Variants in POTEF observed in about 807,000 individuals in gnomAD.
POTEF encodes POTE ankyrin domain family member F, also known as ANKRD26-like family C member 1B.
In POTEF, 20 loss-of-function variants were observed where a neutral mutation model predicts 83.2. The ratio of observed to expected loss-of-function variants is 0.24; its 90% CI spans 0.17 to 0.35. The LOEUF is 0.35. Among genes scored for constraint, POTEF ranks in the 10% least tolerant of loss-of-function variants. The pLI is 1.00. For synonymous variants in POTEF, 196 were observed against 446.4 expected, an observed-to-expected ratio of 0.44 and a Z score of 7.07; for missense variants, 550 against 1,203.2, an observed-to-expected ratio of 0.46 and a Z score of 8.03.
Position 130,075,544 on chromosome 2 carries a change from T to A in POTEF, c.1928A>T (p.Asp643Val), listed in dbSNP as rs757753475. ...ELSLSCKKEK[D>V]ILHENSTLRE... ...CAACGTACTATTTTCATGCAAGATG[T>A]CTTTTTCTTTCTTACAACTAAGAGA... The change falls in exon 17 of 17, where the codon GAC becomes GTC. Residue 643 changes from aspartate (D) to valine (V), a missense_variant. By Grantham distance (152) the Asp-to-Val change is radical. Coordinates refer to ENST00000409914, the MANE Select transcript of POTEF (RefSeq NM_001099771.2). 6.8e-6 allele frequency: 11 copies of A among 1,610,668 alleles called. No homozygotes were observed. In the Middle Eastern group the frequency reaches 6.8e-4, roughly 99 times the overall value.
intron 11 of POTEF, among the ~76,000 whole-genome samples, chr2:130,097,665 C>T (rs1481741039): frequency 1.3e-5 from 2 of 152,074 alleles, no homozygotes; most frequent in Non-Finnish European, 2.9e-5. Flanking sequence ...TAAAATCAGC[C>T]AATTCTAGGA....
chr2:130,107,264 T>C (rs1295941673), intron 8 of POTEF, among the ~76,000 whole-genome samples: 3 of 150,468 alleles, frequency 2.0e-5, no homozygotes, highest in Non-Finnish European at 4.4e-5. Context: ...AACCAGCAGG[T>C]AGAAGAACAC....
intron 2 of POTEF, among the ~76,000 whole-genome samples, chr2:130,126,029 C>T (rs570995382): frequency 1.8e-3 from 279 of 151,378 alleles, no homozygotes; most frequent in African/African-American, 6.5e-3. Flanking sequence ...GAGAGCCAGG[C>T]GTGGTGGCTC....
intron 9 of POTEF, among the ~76,000 whole-genome samples, chr2:130,101,057 A>C (rs1684359368): frequency 2.2e-5 from 3 of 137,458 alleles, no homozygotes; most frequent in Admixed American, 1.5e-4. Flanking sequence ...TTATGTGTTA[A>C]ATCTACCAAA....
intron 12 of POTEF, among the ~76,000 whole-genome samples, chr2:130,088,673 T>TCCGCGAC (rs1349811451): frequency 4.0e-5 from 4 of 99,992 alleles, no homozygotes; most frequent in Non-Finnish European, 2.0e-5. Flanking sequence ...CACTGCAACC[T>TCCGCGAC]CCGCGACCCT....
chr2:130,107,716 T>C (rs1268640185), intron 8 of POTEF: 2 of 391,288 alleles, frequency 5.1e-6, no homozygotes, highest in African/African-American at 2.1e-5. Flanking sequence ...ATCTAATGCC[T>C]GATGATCTGT....
intron 2 of POTEF, among the ~76,000 whole-genome samples, chr2:130,126,213 G>C (rs1253708895): frequency 7.3e-6 from 1 of 136,802 alleles, no homozygotes; most frequent in Non-Finnish European, 1.5e-5. Flanking sequence ...TGAGGCAGGA[G>C]ACTTGCTTGA....
Position 130,075,252 on chromosome 2 carries a change from C to G in POTEF, c.2220G>C (p.Gln740His), listed in dbSNP as rs369584181. The G allele has an allele frequency of 3.3e-3, 5,261 of 1,612,318 alleles. 130 individuals carry two copies. In the African/African-American group the frequency reaches 0.063, roughly 19 times the overall value. Reference protein sequence around the residue: ...VFPSIVGRPRQQGMMGGMHQK... With the variant: ...VFPSIVGRPRHQGMMGGMHQK... Reference sequence around the variant, plus strand: ...GATGCATGCCCCCCATCATGCCCTGCTGCCTGGGGCGCCCCACGATGGAAG... The same window carrying G: ...GATGCATGCCCCCCATCATGCCCTGGTGCCTGGGGCGCCCCACGATGGAAG... Residue 740 changes from glutamine (Q) to histidine (H), a missense_variant, in exon 17 of 17, where the codon CAG becomes CAC. Physicochemically the swap from Gln to His is conservative, Grantham distance 24. Transcript: ENST00000409914.
chr2:130,118,331 A>G (rs946094471), intron 3 of POTEF, among the ~76,000 whole-genome samples: 4 of 151,914 alleles, frequency 2.6e-5, no homozygotes, highest in Non-Finnish European at 4.4e-5. Context: ...ATCTTTTCCT[A>G]TGTGCATAGG....
At chr2:130,100,748 T>G in intron 9 of POTEF, 28 bp from the exon 10 acceptor site, 1 of 1,607,446 alleles carries the variant, frequency 6.2e-7, no homozygotes, top group Non-Finnish European at 8.5e-7. Flanking sequence ...GAAGGTTAAT[T>G]TGCTTGTTGT....
At position 130,075,456 on chromosome 2, in the gene POTEF, T is replaced by C. The variant is rs1683769201; in HGVS notation, c.2016A>G (p.Arg672=). The stretch of plus-strand genomic sequence containing the variant: ...CAATATCCTCCAAATATTTCTTTTC[T>C]CTTAGCTGGCTCTGATGTTTCATTG... The part of the protein sequence containing the change: ...LDTMKHQSQL[R]EKKYLEDIES... The change falls in exon 17 of 17, where the codon AGA becomes AGG. Residue 672 remains arginine, a synonymous_variant. Transcript: ENST00000409914. 1.2e-6 allele frequency: 2 copies of C among 1,611,484 alleles called. No individual in the cohort carries two copies. The highest frequency in any genetic ancestry group is 1.7e-6 in the Non-Finnish European group (2 of 1,179,642).
At chr2:130,091,633 CA>C (rs1194314681) in intron 12 of POTEF, among the ~76,000 whole-genome samples, 1 of 142,088 alleles carries the variant, frequency 7.0e-6, no homozygotes, top group Admixed American at 6.9e-5. Flanking sequence ...TATCAATGAA[CA>C]AAAAAACAAC....
rs766183277 is a variant in POTEF, at chr2:130,075,468, C to G, written c.2004G>C (p.Gln668His). Residue 668 changes from glutamine (Q) to histidine (H), a missense_variant, in exon 17 of 17, where the codon CAG becomes CAC. Gln to His is a conservative substitution (Grantham distance 24). Coordinates refer to ENST00000409914, the MANE Select transcript of POTEF (RefSeq NM_001099771.2). ...LRLELDTMKHQSQLREKKYLE... is the reference protein window; with the variant it reads ...LRLELDTMKHHSQLREKKYLE... ...AATATTTCTTTTCTCTTAGCTGGCT[C>G]TGATGTTTCATTGTGTCTAGCTCCA... is the stretch of plus-strand genomic sequence containing the variant. The G allele has an allele frequency of 1.9e-6, 3 of 1,611,276 alleles. No homozygotes were observed. Among genetic ancestry groups the G allele is most frequent in the Non-Finnish European group, 2.5e-6 (3 of 1,179,644 alleles).
At chr2:130,111,853 A>T in intron 6 of POTEF, 142 bp downstream of exon 6, 1 of 555,818 alleles carries the variant, frequency 1.8e-6, no homozygotes, top group Non-Finnish European at 2.9e-6. Flanking sequence ...CAGCCCAAGT[A>T]ATTGTTTTTC....
chr2:130,111,851 G>A (rs1993119), intron 6 of POTEF, 144 bp downstream of exon 6: 190,021 of 478,312 alleles, frequency 0.4, 40,039 homozygotes, highest in Admixed American at 0.6. Context: ...CCCAGCCCAA[G>A]TAATTGTTTT....
chr2:130,108,827 T>G (rs1452346296), intron 7 of POTEF, among the ~76,000 whole-genome samples: 2 of 149,248 alleles, frequency 1.3e-5, no homozygotes, highest in Non-Finnish European at 3.0e-5. Flanking sequence ...CAATGGATGT[T>G]AAGACCTGAC....
rs372861761 is a variant in POTEF at position 130,120,394 on chromosome 2, C to G, written c.122G>C (p.Ser41Thr). 1.2e-5 allele frequency: 19 copies of G among 1,612,516 alleles called. No individual in the cohort carries two copies. The Admixed American group carries it at 1.3e-4, about 11-fold the overall frequency. ...CFPCCRESGK[S>T]NVGTSGDHDD... ...GTGGTCTCCAGAAGTGCCCACGTTG[C>G]TCTTGCCGCTCTCCCTGCAGCAGGG... Residue 41 changes from serine (S) to threonine (T), a missense_variant, in exon 3 of 17, where the codon AGC (serine) becomes ACC (threonine). By Grantham distance (58) the Ser-to-Thr change is moderately conservative. Transcript: ENST00000409914.
chr2:130,119,617 C>T (rs1387547782), intron 3 of POTEF, among the ~76,000 whole-genome samples: 5 of 151,796 alleles, frequency 3.3e-5, no homozygotes, highest in African/African-American at 9.7e-5. Context: ...GAATATTTAG[C>T]CCTGAAGTTG....
chr2:130,124,322 A>C (rs1357700008), intron 2 of POTEF, among the ~76,000 whole-genome samples: 38 of 108,506 alleles, frequency 3.5e-4, no homozygotes, highest in Middle Eastern at 0.01. Context: ...CATTATATAT[A>C]CATCACATAC....
Sources: gnomAD v4.1 joint callset for allele counts (sites outside exome capture counted in the v4.1 genomes callset) on GRCh38, gnomAD v4.1.1 for gene constraint, MANE v1.5 for transcripts, NCBI Gene and HGNC (gene_info 2026-07-23, HGNC 2026-07-21) for gene names.